ANK1: variants seen among roughly 807,000 people sequenced by gnomAD.
The protein encoded by ANK1 is ankyrin-1.
ANK1 carries 51 observed loss-of-function variants against 210.4 expected under a neutral mutation model. The observed-to-expected ratio is 0.24, with a 90% CI of 0.19 to 0.31. The LOEUF (loss-of-function observed/expected upper bound fraction) is 0.31, where lower values mean the gene tolerates loss of function less well. ANK1 is among the 10% of genes least tolerant of loss of function. The pLI is 1.00. For missense variants in ANK1, 2,051 were observed against 2,504.4 expected (o/e 0.82, Z 3.86); for synonymous variants, 967 against 1,025.9 (o/e 0.94, Z 1.10).
intron 37 of ANK1, among the ~76,000 whole-genome samples, chr8:41,673,718 G>T (rs888724427): frequency 5.9e-5 from 9 of 152,200 alleles, no homozygotes; most frequent in Non-Finnish European, 7.3e-5. Flanking sequence ...ATGGGAGCCA[G>T]CTTGCTCAGG....
At chr8:41,760,737 T>C (rs1288334559) in intron 1 of ANK1, among the ~76,000 whole-genome samples, 1 of 151,826 alleles carries the variant, frequency 6.6e-6, no homozygotes, top group Non-Finnish European at 1.5e-5. Context: ...TTAAAAGAAA[T>C]AAACAGTGTT....
At chr8:41,853,138 C>T (rs1263499447) in intron 1 of ANK1, among the ~76,000 whole-genome samples, 1 of 152,208 alleles carries the variant, frequency 6.6e-6, no homozygotes, top group African/African-American at 2.4e-5. Flanking sequence ...GGAAATAAGA[C>T]TCAATTGACA....
chr8:41,715,587 T>A (rs1368042965), intron 14 of ANK1, 65 bp downstream of exon 14: 1 of 1,586,968 alleles, frequency 6.3e-7, no homozygotes, highest in African/African-American at 1.3e-5. Flanking sequence ...GGAATTCCCC[T>A]CCGAGCTCCA....
At chr8:41,777,147 G>A (rs1328017909) in intron 1 of ANK1, among the ~76,000 whole-genome samples, 1 of 152,106 alleles carries the variant, frequency 6.6e-6, no homozygotes, top group Non-Finnish European at 1.5e-5. Flanking sequence ...TTCTTTCTAC[G>A]TTGCTTATCT....
intron 1 of ANK1, among the ~76,000 whole-genome samples, chr8:41,875,094 C>G (rs748112133): frequency 6.6e-6 from 1 of 152,190 alleles, no homozygotes; most frequent in African/African-American, 2.4e-5. Flanking sequence ...CAGAGCTGAG[C>G]TGGAAAGGGT....
At chr8:41,747,177 C>A (rs923309444) in intron 2 of ANK1, among the ~76,000 whole-genome samples, 6 of 152,152 alleles carry the variant, frequency 3.9e-5, no homozygotes, top group African/African-American at 1.2e-4. Context: ...AAATCAGAGC[C>A]AAGGCTTGTC....
chr8:41,827,273 T>C (rs1449125244), intron 1 of ANK1, among the ~76,000 whole-genome samples: 1 of 152,222 alleles, frequency 6.6e-6, no homozygotes, highest in East Asian at 1.9e-4. Flanking sequence ...GTAAGAAAAG[T>C]ACAGGACTCA....
intron 13 of ANK1, among the ~76,000 whole-genome samples, chr8:41,716,205 C>T (rs1219539356): frequency 1.3e-5 from 2 of 152,108 alleles, no homozygotes; most frequent in East Asian, 1.9e-4. Context: ...ATAAAAGGCA[C>T]TCAATGCAGT....
At chr8:41,784,478 C>A (rs779040278) in intron 1 of ANK1, among the ~76,000 whole-genome samples, 1 of 152,182 alleles carries the variant, frequency 6.6e-6, no homozygotes, top group East Asian at 1.9e-4. Flanking sequence ...TAATACAATT[C>A]AATGCTACCA....
intron 1 of ANK1, among the ~76,000 whole-genome samples, chr8:41,767,537 C>T (rs550734816): frequency 6.6e-6 from 1 of 152,182 alleles, no homozygotes; most frequent in Admixed American, 6.5e-5. Context: ...TGCGCTCTCC[C>T]GCCCGCCAGC....
intron 1 of ANK1, among the ~76,000 whole-genome samples, chr8:41,869,353 C>A (rs777540947): frequency 6.6e-6 from 1 of 152,130 alleles, no homozygotes; most frequent in Non-Finnish European, 1.5e-5. Flanking sequence ...GATTTGAGGA[C>A]CCCATCCTCT....
At chr8:41,869,623 A>G (rs1444461100) in intron 1 of ANK1, among the ~76,000 whole-genome samples, 1 of 152,166 alleles carries the variant, frequency 6.6e-6, no homozygotes, top group African/African-American at 2.4e-5. Flanking sequence ...AACACTGACC[A>G]GGGAAGACCA....
At chr8:41,873,779 G>C (rs1488970306) in intron 1 of ANK1, among the ~76,000 whole-genome samples, 1 of 152,216 alleles carries the variant, frequency 6.6e-6, no homozygotes, top group Non-Finnish European at 1.5e-5. Context: ...AGAGACCTTG[G>C]ATGCTGCAGC....
rs556132746 is a variant in ANK1, at chr8:41,750,339, G to A, written c.129+7697C>T. 7.1e-4 allele frequency among the ~76,000 whole-genome samples: 108 copies of A among 152,276 alleles called. 1 individual carries two copies. The South Asian group carries it at 0.02, about 28-fold the overall frequency. On this transcript the variant is annotated intron_variant, in intron 2 of 42. Coordinates refer to ENST00000289734, the MANE Select transcript of ANK1 (RefSeq NM_000037.4). ...GGAAATCGTGTATGCTTTTGTGATCGTTCAGATGGTCGAGCTTCTGGACAC... is the reference window on the plus strand; with the variant it reads ...GGAAATCGTGTATGCTTTTGTGATCATTCAGATGGTCGAGCTTCTGGACAC...
At chr8:41,691,857 T>TTTAG (rs1368308319) in intron 31 of ANK1, among the ~76,000 whole-genome samples, 2 of 152,104 alleles carry the variant, frequency 1.3e-5, no homozygotes, top group Non-Finnish European at 2.9e-5. Context: ...GAAAAGCACT[T>TTTAG]TTAGTTATTT....
rs754515678 is a variant in ANK1, at chr8:41,679,422, GA to G, written c.4537+5121del. Among the ~76,000 whole-genome samples, 24 of 152,114 alleles carry G rather than the reference GA, an allele frequency of 1.6e-4. 1 individual carries two copies. The highest frequency in any genetic ancestry group is 3.1e-4 in the Non-Finnish European group (21 of 68,024). On this transcript the variant is annotated intron_variant, in intron 37 of 42. Transcript: ENST00000289734. The stretch of plus-strand genomic sequence containing the variant: ...TCTTTGTCCCCTGAACAAAGGCCGT[GA>G]GAGATCAATTGGGAATAGCTGGCTA...
intron 3 of ANK1, among the ~76,000 whole-genome samples, chr8:41,728,935 A>G (rs1831420079): frequency 6.6e-6 from 1 of 152,196 alleles, no homozygotes; most frequent in Admixed American, 6.5e-5. Context: ...CAAGGCAACA[A>G]GCCCTCTGAG....
Position 41,803,769 on chromosome 8 carries a change from A to G in ANK1, c.127-45632T>C, listed in dbSNP as rs528043903. On this transcript the variant is annotated intron_variant, in intron 1 of 42. Transcript: ENST00000265709. ...TTATTAAAATTTTAATCATGAATGA[A>G]TGTTGAAATCCAAATTTTTCTTTTC... 3.3e-5 allele frequency among the ~76,000 whole-genome samples: 5 copies of G among 152,212 alleles called. No individual in the cohort carries two copies. In the South Asian group the frequency reaches 1.0e-3, roughly 32 times the overall value.
At position 41,738,514 on chromosome 8, in the gene ANK1, C is replaced by G. The variant is rs535480533; in HGVS notation, c.130-4445G>C. 2.0e-5 allele frequency among the ~76,000 whole-genome samples: 3 copies of G among 152,272 alleles called. No homozygotes were observed. In the East Asian group the frequency reaches 5.8e-4, roughly 29 times the overall value. On this transcript the variant is annotated intron_variant, in intron 2 of 42. Transcript: ENST00000289734. Reference sequence around the variant, plus strand: ...TGCATAACTAGTTTATGCAGGAGACCACTTCTGATATCCAAAAGAGCATTT... The same window carrying G: ...TGCATAACTAGTTTATGCAGGAGACGACTTCTGATATCCAAAAGAGCATTT...
Sources: allele counts gnomAD v4.1 joint callset (sites outside exome capture counted in the v4.1 genomes callset), GRCh38; gene constraint gnomAD v4.1.1; transcripts MANE v1.5; gene names NCBI Gene and HGNC (gene_info 2026-07-23, HGNC 2026-07-21).